STXBP5: variants seen among roughly 807,000 people sequenced by gnomAD.
STXBP5 encodes the protein syntaxin binding protein 5, also known as syntaxin-binding protein 5.
STXBP5 carries 50 observed loss-of-function variants against 152.4 expected under a neutral mutation model. The ratio of observed to expected loss-of-function variants is 0.33; its 90% CI spans 0.26 to 0.42. The LOEUF (loss-of-function observed/expected upper bound fraction) is 0.42, where lower values mean the gene tolerates loss of function less well. Ranked by LOEUF, STXBP5 falls within the 10% of genes least tolerant of loss-of-function variation. STXBP5 has a pLI of 1.00. For missense variants in STXBP5, 1,167 were observed against 1,388.6 expected (o/e 0.84, Z 2.54); for synonymous variants, 492 against 494.7 (o/e 0.99, Z 0.07).
At chr6:147,330,178 A>G (rs187346926) in intron 18 of STXBP5, among the ~76,000 whole-genome samples, 44 of 152,296 alleles carry the variant, frequency 2.9e-4, no homozygotes, top group African/African-American at 1.0e-3. Flanking sequence ...AGCTACCCGT[A>G]TATCTGCTAA....
At chr6:147,329,829 G>A (rs1298088780) in intron 18 of STXBP5, among the ~76,000 whole-genome samples, 4 of 151,524 alleles carry the variant, frequency 2.6e-5, no homozygotes, top group South Asian at 2.1e-4. Context: ...GGGTTTCACC[G>A]TGTTAGCCAG....
At chr6:147,248,071 G>C (rs931049001) in intron 4 of STXBP5, among the ~76,000 whole-genome samples, 5 of 152,136 alleles carry the variant, frequency 3.3e-5, no homozygotes, top group African/African-American at 1.2e-4. Context: ...CCTGAGGTCA[G>C]GAGTTCAAGA....
intron 16 of STXBP5, among the ~76,000 whole-genome samples, chr6:147,318,502 T>C (rs1782755117): frequency 6.6e-6 from 1 of 152,230 alleles, no homozygotes; most frequent in South Asian, 2.1e-4. Flanking sequence ...GAGTTTTCTT[T>C]ATTGTTCATG....
chr6:147,205,370 GCATATA>G (rs775584899), intron 1 of STXBP5, among the ~76,000 whole-genome samples: 1 of 88,272 alleles, frequency 1.1e-5, no homozygotes, highest in Non-Finnish European at 2.3e-5. Flanking sequence ...TTAAAAGTGT[GCATATA>G]TATATATATA....
intron 9 of STXBP5, among the ~76,000 whole-genome samples, chr6:147,303,884 C>T (rs2128364291): frequency 6.6e-6 from 1 of 152,100 alleles, no homozygotes; most frequent in South Asian, 2.1e-4. Context: ...TTGCCCCTGT[C>T]CTAGAGATCT....
chr6:147,210,760 A>C (rs1471390088), intron 2 of STXBP5, among the ~76,000 whole-genome samples: 1 of 152,098 alleles, frequency 6.6e-6, no homozygotes, highest in African/African-American at 2.4e-5. Context: ...ATCTAATAAA[A>C]TGTGTGTGTG....
chr6:147,268,184 A>G (rs1047346016), intron 7 of STXBP5, among the ~76,000 whole-genome samples: 1 of 152,172 alleles, frequency 6.6e-6, no homozygotes, highest in African/African-American at 2.4e-5. Context: ...TGCTTTTCAC[A>G]TTATCCCAAC....
chr6:147,233,382 A>G (rs1253490641), intron 2 of STXBP5, among the ~76,000 whole-genome samples: 1 of 151,626 alleles, frequency 6.6e-6, no homozygotes, highest in African/African-American at 2.4e-5. Flanking sequence ...AAGAAAAACA[A>G]CTCTGATTTT....
intron 2 of STXBP5, among the ~76,000 whole-genome samples, chr6:147,233,793 G>A (rs1348573728): frequency 6.6e-6 from 1 of 151,088 alleles, no homozygotes; most frequent in Non-Finnish European, 1.5e-5. Flanking sequence ...GTTTCCTGCA[G>A]TTGTATTTGA....
intron 25 of STXBP5, among the ~76,000 whole-genome samples, chr6:147,366,120 A>C (rs958890010): frequency 6.6e-6 from 1 of 152,214 alleles, no homozygotes; most frequent in African/African-American, 2.4e-5. Flanking sequence ...AGAGGCAGGA[A>C]CAAGAGTTTG....
intron 4 of STXBP5, among the ~76,000 whole-genome samples, chr6:147,241,716 TCATAA>T (rs1778554742): frequency 6.6e-6 from 1 of 152,140 alleles, no homozygotes. Flanking sequence ...GTTATAGCTG[TCATAA>T]CATCATAGCA....
At chr6:147,231,147 C>T (rs914148789) in intron 2 of STXBP5, among the ~76,000 whole-genome samples, 1 of 151,532 alleles carries the variant, frequency 6.6e-6, no homozygotes, top group Non-Finnish European at 1.5e-5. Flanking sequence ...TTCATGTGTC[C>T]TGTATACCTC....
At chr6:147,316,469 A>C in intron 16 of STXBP5, 62 bp downstream of exon 16, 1 of 1,327,764 alleles carries the variant, frequency 7.5e-7, no homozygotes, top group South Asian at 1.9e-5. Flanking sequence ...ATAAATTGTA[A>C]GCATTAGAGC....
intron 11 of STXBP5, 104 bp from the exon 12 acceptor site, chr6:147,313,780 A>G: frequency 1.4e-6 from 1 of 715,052 alleles, no homozygotes; most frequent in Non-Finnish European, 2.1e-6. Context: ...AATCAATTTA[A>G]TCTCTATGAT....
intron 7 of STXBP5, among the ~76,000 whole-genome samples, chr6:147,270,857 A>G (rs1053656471): frequency 2.0e-5 from 3 of 152,232 alleles, no homozygotes; most frequent in African/African-American, 4.8e-5. Context: ...AGACATGGTC[A>G]GAAGACAGAG....
chr6:147,376,421 A>G (rs1280197754), intron 26 of STXBP5, among the ~76,000 whole-genome samples: 1 of 152,228 alleles, frequency 6.6e-6, no homozygotes, highest in Non-Finnish European at 1.5e-5. Flanking sequence ...GGATAAACAG[A>G]TAGTACATAA....
In STXBP5 at chr6:147,362,777, T is replaced by C. The variant is rs142299043; in HGVS notation, c.2546-558T>C. On this transcript the variant is annotated intron_variant, in intron 23 of 27. Coordinates refer to ENST00000321680, the MANE Select transcript of STXBP5 (RefSeq NM_001127715.4). ...TATTTAGTCCACTGTGTCCCAAATA[T>C]TATCATTTTGGCATGTAATTATTGA... Among the ~76,000 whole-genome samples the C allele has an allele frequency of 6.5e-3, 989 of 152,368 alleles. 6 individuals carry two copies. The highest frequency in any genetic ancestry group is 0.011 in the Non-Finnish European group (745 of 68,034).
chr6:147,261,723 C>G (rs751383995), intron 5 of STXBP5, among the ~76,000 whole-genome samples: 11 of 151,910 alleles, frequency 7.2e-5, no homozygotes, highest in Non-Finnish European at 1.3e-4. Context: ...TGTATAGTTT[C>G]ACAGATGGCT....
At chr6:147,286,743 G>A (rs950225513) in intron 8 of STXBP5, among the ~76,000 whole-genome samples, 1 of 151,972 alleles carries the variant, frequency 6.6e-6, no homozygotes, top group African/African-American at 2.4e-5. Context: ...AAGACGGATA[G>A]TTTTTTTCAT....
Sources: gnomAD v4.1 joint callset for allele counts (sites outside exome capture counted in the v4.1 genomes callset) on GRCh38, gnomAD v4.1.1 for gene constraint, MANE v1.5 for transcripts, NCBI Gene and HGNC (gene_info 2026-07-23, HGNC 2026-07-21) for gene names.